Variants in RAB11FIP3 observed in about 807,000 individuals in gnomAD.
RAB11FIP3 encodes the protein RAB11 family interacting protein 3.
In RAB11FIP3, 17 loss-of-function variants were observed where a neutral mutation model predicts 77.8. The ratio of observed to expected loss-of-function variants is 0.22; its 90% confidence interval spans 0.15 to 0.33. The LOEUF is 0.33. RAB11FIP3 is among the 10% of genes least tolerant of loss of function. The probability of loss-of-function intolerance (pLI) is 1.00; values close to 1 mark genes in which losing one functional copy is unlikely to be tolerated. For missense variants in RAB11FIP3, 1,005 were observed against 1,011.2 expected (o/e 0.99, Z 0.08); for synonymous variants, 437 against 448.2 (o/e 0.98, Z 0.31).
At chr16:462,695 T>A (rs1260583803) in intron 2 of RAB11FIP3, among the ~76,000 whole-genome samples, 1 of 30,266 alleles carries the variant, frequency 3.3e-5, no homozygotes, top group Non-Finnish European at 6.5e-5. Context: ...CCTTCCCCAG[T>A]CCCCCGGCAC....
intron 4 of RAB11FIP3, among the ~76,000 whole-genome samples, chr16:483,643 C>A (rs1193279737): frequency 6.6e-6 from 1 of 152,022 alleles, no homozygotes; most frequent in Non-Finnish European, 1.5e-5. Flanking sequence ...AAGTCTGCAC[C>A]CTGTAGAGAA....
rs1053905726 is a variant in RAB11FIP3, at chr16:425,709, C to A, written c.-298C>A. The A allele has an allele frequency of 3.3e-4, 98 of 294,232 alleles. No individual in the cohort carries two copies. The highest frequency in any genetic ancestry group is 5.7e-4 in the Non-Finnish European group (90 of 158,604). The allele number at this position is 294,232 out of a possible 1,614,324, so 18.2% of individuals were successfully genotyped here. On this transcript the variant is annotated 5_prime_UTR_variant, in exon 1 of 14. Coordinates refer to ENST00000262305, the MANE Select transcript of RAB11FIP3 (RefSeq NM_014700.4). ...CCGCGGCCTCCGGCCTCCTCGGCCCCCGTCCCCCGGCCTCCTCGGCCCCCG... is the reference window on the plus strand; with the variant it reads ...CCGCGGCCTCCGGCCTCCTCGGCCCACGTCCCCCGGCCTCCTCGGCCCCCG...
intron 9 of RAB11FIP3, among the ~76,000 whole-genome samples, chr16:512,599 A>G (rs1234694112): frequency 7.3e-6 from 1 of 136,828 alleles, no homozygotes; most frequent in East Asian, 2.2e-4. Flanking sequence ...GCTAGAGTGC[A>G]GTGGGGCGAT....
intron 2 of RAB11FIP3, among the ~76,000 whole-genome samples, chr16:463,856 C>A (rs532231993): frequency 3.9e-5 from 6 of 152,342 alleles, no homozygotes; most frequent in African/African-American, 1.4e-4. Context: ...GAACCAGCAC[C>A]AGAGCAAGGC....
chr16:443,726 C>T (rs570714991), intron 1 of RAB11FIP3, among the ~76,000 whole-genome samples: 68 of 152,244 alleles, frequency 4.5e-4, no homozygotes, highest in African/African-American at 1.3e-3. Flanking sequence ...CTACCACGCC[C>T]GGCTAATTTT....
intron 1 of RAB11FIP3, among the ~76,000 whole-genome samples, chr16:431,244 A>T (rs1205156081): frequency 1.3e-5 from 2 of 152,116 alleles, no homozygotes; most frequent in African/African-American, 4.8e-5. Flanking sequence ...AGGTGAGTGT[A>T]TGTATTCTGG....
intron 9 of RAB11FIP3, among the ~76,000 whole-genome samples, chr16:511,835 G>A (rs34950524): frequency 3.1e-4 from 34 of 111,390 alleles, no homozygotes; most frequent in Middle Eastern, 8.3e-3. Context: ...GGTTCCTGAC[G>A]GCCCGCCAAC....
At chr16:516,105 A>G (rs546849594) in intron 9 of RAB11FIP3, among the ~76,000 whole-genome samples, 6 of 152,314 alleles carry the variant, frequency 3.9e-5, no homozygotes, top group African/African-American at 1.2e-4. Flanking sequence ...AAGGGGTTGC[A>G]TCTGCTTTGC....
intron 1 of RAB11FIP3, among the ~76,000 whole-genome samples, chr16:441,239 C>T (rs1275690628): frequency 6.6e-6 from 1 of 152,226 alleles, no homozygotes; most frequent in African/African-American, 2.4e-5. Context: ...GCCATCGCGC[C>T]TGGCCCTATT....
intron 1 of RAB11FIP3, among the ~76,000 whole-genome samples, chr16:442,955 A>G (rs982981777): frequency 6.6e-6 from 1 of 152,188 alleles, no homozygotes; most frequent in African/African-American, 2.4e-5. Context: ...AAAATCCAAG[A>G]AAAACAAGGC....
rs2031829715 is a variant in RAB11FIP3 at position 505,595 on chromosome 16, C to T, written c.1467C>T (p.Arg489=). The change falls in exon 8 of 14, where the codon CGC becomes CGT. Residue 489 remains arginine, a synonymous_variant. Transcript: ENST00000262305. The surrounding 1 kb of genome is among the most constrained non-coding windows in gnomAD (Gnocchi z 4.0). ...DTAATGEQHS[R]LRQENLQLVH... is the part of the protein sequence containing the mutation. ...CAGCCACCGGTGAGCAACACAGCCG[C>T]CTGAGGCAGGAGAACCTGCAGCTGG... is the stretch of plus-strand genomic sequence containing the variant. 6.2e-7 allele frequency: 1 copy of T among 1,604,260 alleles called. No homozygotes were observed. Among genetic ancestry groups the T allele is most frequent in the Non-Finnish European group, 8.5e-7 (1 of 1,179,498 alleles).
chr16:432,356 G>A (rs774544601), intron 1 of RAB11FIP3, among the ~76,000 whole-genome samples: 34 of 152,094 alleles, frequency 2.2e-4, no homozygotes, highest in Non-Finnish European at 4.7e-4. Flanking sequence ...CAGCCTGGAC[G>A]ACAAGGGTGA....
chr16:474,747 G>A, intron 3 of RAB11FIP3: 2 of 1,252,046 alleles, frequency 1.6e-6, no homozygotes, highest in South Asian at 4.5e-5. Context: ...AAAAACAAAA[G>A]CCACTCTGTT....
At chr16:428,197 T>C (rs2141834234) in intron 1 of RAB11FIP3, among the ~76,000 whole-genome samples, 1 of 152,166 alleles carries the variant, frequency 6.6e-6, no homozygotes, top group East Asian at 1.9e-4. Flanking sequence ...GACAGGTGCG[T>C]GCGGGGCAGC....
intron 5 of RAB11FIP3, chr16:491,411 C>G: frequency 2.3e-6 from 2 of 861,960 alleles, no homozygotes; most frequent in Non-Finnish European, 1.6e-6. Context: ...GCCTCCCACC[C>G]TGCACGCTGT....
chr16:467,902 CAGGG>C, intron 2 of RAB11FIP3, among the ~76,000 whole-genome samples: 1 of 109,340 alleles, frequency 9.1e-6, no homozygotes, highest in Non-Finnish European at 1.9e-5. Context: ...GCAGGGGCCT[CAGGG>C]AGGAGGTGCA....
chr16:489,461 T>TGTCCAGAGTCACTCTAGGGA (rs1411346359), intron 5 of RAB11FIP3, among the ~76,000 whole-genome samples: 2 of 152,216 alleles, frequency 1.3e-5, no homozygotes, highest in Admixed American at 6.5e-5. Context: ...CACTCACAAA[T>TGTCCAGAGTCACTCTAGGGA]GTCCAGAGTC....
At position 505,724 on chromosome 16, in the gene RAB11FIP3, T is replaced by G. The variant is rs2031837845; in HGVS notation, c.1499+97T>G. 1.9e-6 allele frequency: 2 copies of G among 1,075,466 alleles called. No individual in the cohort carries two copies. The highest frequency in any genetic ancestry group is 2.6e-6 in the Non-Finnish European group (2 of 755,690). 66.6% of individuals were successfully genotyped at this position (1,075,466 alleles called of 1,614,324 possible). A position where few individuals can be genotyped will look rare whatever the true frequency, so the allele number is the denominator to read the frequency against. ...TCTCTTTACCTCACACAGCAGGGGCTTGGCCACCCGTCCATCCCCGTTGGA... is the reference window on the plus strand; with the variant it reads ...TCTCTTTACCTCACACAGCAGGGGCGTGGCCACCCGTCCATCCCCGTTGGA... On this transcript the variant is annotated intron_variant, in intron 8 of 13. Transcript: ENST00000262305. This position sits in a 1 kb window ranked among gnomAD's most constrained non-coding sequence, Gnocchi z 4.0.
chr16:427,938 A>G (rs2054977767), intron 1 of RAB11FIP3, among the ~76,000 whole-genome samples: 1 of 151,908 alleles, frequency 6.6e-6, no homozygotes, highest in African/African-American at 2.4e-5. Flanking sequence ...TCTCCACTAA[A>G]AAATACAAAA....
Sources: allele counts gnomAD v4.1 joint callset (sites outside exome capture counted in the v4.1 genomes callset), GRCh38; gene constraint gnomAD v4.1.1; non-coding constraint Gnocchi (gnomAD v3.1); transcripts MANE v1.5; gene names NCBI Gene and HGNC (gene_info 2026-07-23, HGNC 2026-07-21).